The following ALPK1 variants were observed in gnomAD, a reference collection of about 807,000 sequenced individuals.
The protein encoded by ALPK1 is alpha kinase 1.
Under a neutral mutation model 120.6 loss-of-function variants are expected in ALPK1, and 110 were observed. The ratio of observed to expected loss-of-function variants is 0.91; its 90% confidence interval spans 0.78 to 1.07. The LOEUF (loss-of-function observed/expected upper bound fraction) is 1.07. Ranked by LOEUF, ALPK1 falls within the 50% of genes least tolerant of loss-of-function variation. The probability of loss-of-function intolerance (pLI) is 0.00; values close to 1 mark genes in which losing one functional copy is unlikely to be tolerated. For missense variants in ALPK1, 1,498 were observed against 1,483.9 expected, an observed-to-expected ratio of 1.01 and a Z score of -0.16; for synonymous variants, 582 against 560.3, an observed-to-expected ratio of 1.04 and a Z score of -0.55.
intron 2 of ALPK1, among the ~76,000 whole-genome samples, chr4:112,369,693 A>G (rs1243250163): frequency 6.6e-6 from 1 of 152,150 alleles, no homozygotes; most frequent in Non-Finnish European, 1.5e-5. Context: ...AAAAAGAAAA[A>G]GAAAAGAAAA....
At chr4:112,361,301 C>T (rs754865529) in intron 2 of ALPK1, among the ~76,000 whole-genome samples, 1 of 152,138 alleles carries the variant, frequency 6.6e-6, no homozygotes, top group Non-Finnish European at 1.5e-5. Flanking sequence ...AGGCTTGTAA[C>T]CTGTGACAAG....
In ALPK1 at chr4:112,356,740, C is replaced by T. The variant is rs924337668; in HGVS notation, c.-100-20938C>T. On this transcript the variant is annotated intron_variant, in intron 2 of 15. Transcript: ENST00000650871. ...ACTTGGTCAAGAGGGGAAGCAAGCA[C>T]GGAGTATGCCCTTATTACCTGTCCC... 2.4e-5 allele frequency: 20 copies of T among 834,952 alleles called. No individual in the cohort carries two copies. The African/African-American group carries it at 2.7e-4, about 11-fold the overall frequency. The allele number at this position is 834,952 out of a possible 1,614,324, so 51.7% of individuals were successfully genotyped here. A position where few individuals can be genotyped will look rare whatever the true frequency, so the allele number is the denominator to read the frequency against.
chr4:112,346,626 C>G (rs910358814), intron 2 of ALPK1, among the ~76,000 whole-genome samples: 2 of 152,190 alleles, frequency 1.3e-5, no homozygotes, highest in African/African-American at 4.8e-5. Context: ...GTCATTTGGC[C>G]TACTCTTTCC....
At chr4:112,343,479 C>A (rs1360924912) in intron 2 of ALPK1, 2 of 151,994 alleles carry the variant, frequency 1.3e-5, no homozygotes, top group Non-Finnish European at 2.9e-5. Context: ...TCGGAAGAGA[C>A]AAAAGTAAAT....
Position 112,430,513 on chromosome 4 carries a change from C to T in ALPK1, c.966C>T (p.Asn322=), listed in dbSNP as rs572715310. The T allele has an allele frequency of 6.2e-7, 1 of 1,613,998 alleles. No homozygotes were observed. Among genetic ancestry groups the T allele is most frequent in the East Asian group, 2.2e-5 (1 of 44,892 alleles). The part of the protein sequence containing the change: ...SSNDCPPELK[N]LHLCEAKEAF... ...ATGACTGTCCTCCAGAATTGAAAAA[C>T]TTACATCTGTGTGAAGCCAAAGAGG... The change falls in exon 11 of 16, where the codon AAC becomes AAT. Residue 322 remains asparagine (N), a synonymous_variant. Transcript: ENST00000650871.
intron 4 of ALPK1, among the ~76,000 whole-genome samples, chr4:112,390,021 TC>T: frequency 6.6e-6 from 1 of 152,264 alleles, no homozygotes; most frequent in South Asian, 2.1e-4. Flanking sequence ...GCCTCACACA[TC>T]TACCCCACTT....
chr4:112,358,913 C>A, intron 2 of ALPK1: 1 of 769,280 alleles, frequency 1.3e-6, no homozygotes, highest in Non-Finnish European at 2.4e-6. Flanking sequence ...TTGCTGAAAA[C>A]CCCAAGAAGC....
At chr4:112,351,855 CA>C (rs1730375108) in intron 2 of ALPK1, among the ~76,000 whole-genome samples, 1 of 152,172 alleles carries the variant, frequency 6.6e-6, no homozygotes, top group South Asian at 2.1e-4. Flanking sequence ...ACTAATAGTT[CA>C]AACTGCTTAT....
chr4:112,439,350 C>T lies in ALPK1; in HGVS notation c.3352-336C>T, dbSNP rs1248224452. Among the ~76,000 whole-genome samples, 3 of 152,102 alleles carry T rather than the reference C, an allele frequency of 2.0e-5. No homozygotes were observed. In the East Asian group the frequency reaches 5.8e-4, roughly 29 times the overall value. ...AAAGCTGATGTTTTAACCTAGAGTC[C>T]CTGAGCATGATCTAACTTCATGTCC... On this transcript the variant is annotated intron_variant, in intron 13 of 15. Transcript: ENST00000650871.
chr4:112,436,143 G>A (rs1734779977), intron 12 of ALPK1, among the ~76,000 whole-genome samples: 1 of 152,200 alleles, frequency 6.6e-6, no homozygotes, highest in Admixed American at 6.5e-5. Flanking sequence ...AATAGAAATA[G>A]AGAAATCAAG....
chr4:112,330,947 T>G (rs1729342454), intron 2 of ALPK1, among the ~76,000 whole-genome samples: 1 of 152,164 alleles, frequency 6.6e-6, no homozygotes, highest in South Asian at 2.1e-4. Flanking sequence ...AGAACACATG[T>G]CCATTCCAGG....
At position 112,411,995 on chromosome 4, in the gene ALPK1, A is replaced by G. The variant is rs763814228; in HGVS notation, c.445A>G (p.Ile149Val). ...PATPIAPQVVIRQARISVNSG... is the reference protein window; with the variant it reads ...PATPIAPQVVVRQARISVNSG... Reference sequence around the variant, plus strand: ...CACGCCAATTGCCCCGCAGGTGGTTATTCGCCAAGCCCGAATCTCCGTGAA... The same window carrying G: ...CACGCCAATTGCCCCGCAGGTGGTTGTTCGCCAAGCCCGAATCTCCGTGAA... The change falls in exon 5 of 16, where the codon ATT becomes GTT. Residue 149 changes from isoleucine (I) to valine (V), a missense_variant. Transcript: ENST00000650871. The G allele has an allele frequency of 6.2e-7, 1 of 1,614,062 alleles. No homozygotes were observed. Among genetic ancestry groups the G allele is most frequent in the Non-Finnish European group, 8.5e-7 (1 of 1,180,018 alleles).
At chr4:112,410,272 T>C (rs559970053) in intron 4 of ALPK1, among the ~76,000 whole-genome samples, 1 of 152,270 alleles carries the variant, frequency 6.6e-6, no homozygotes, top group African/African-American at 2.4e-5. Context: ...CAAGGGAGCA[T>C]GTAGGATCTG....
At chr4:112,373,325 A>G (rs988917477) in intron 2 of ALPK1, among the ~76,000 whole-genome samples, 3 of 152,202 alleles carry the variant, frequency 2.0e-5, no homozygotes, top group Admixed American at 6.5e-5. Context: ...TTGCAATAGC[A>G]GTATGAGGAT....
intron 1 of ALPK1, among the ~76,000 whole-genome samples, chr4:112,300,021 C>A (rs1443677723): frequency 1.3e-5 from 2 of 152,078 alleles, no homozygotes; most frequent in Non-Finnish European, 2.9e-5. Flanking sequence ...TTCTGGGAAT[C>A]CATCCTAAGG....
At chr4:112,432,842 G>A (rs1734634515) in intron 11 of ALPK1, among the ~76,000 whole-genome samples, 1 of 152,198 alleles carries the variant, frequency 6.6e-6, no homozygotes, top group South Asian at 2.1e-4. Context: ...AGGGAGACAG[G>A]AAACTTAGAG....
chr4:112,372,092 G>T (rs1006223647), intron 2 of ALPK1, among the ~76,000 whole-genome samples: 3 of 151,860 alleles, frequency 2.0e-5, no homozygotes, highest in Non-Finnish European at 4.4e-5. Context: ...GTGTGCATTC[G>T]TTTCCTATTT....
rs180741351 is a variant in ALPK1 at position 112,432,572 on chromosome 4, C to T, written c.3025C>T (p.Arg1009Ter). 9.9e-6 allele frequency: 16 copies of T among 1,611,768 alleles called. No homozygotes were observed. The highest frequency in any genetic ancestry group is 1.6e-4 in the Middle Eastern group (1 of 6,078). ...GGTTTTTAAGCCCAGTCAACTCCAC[C>T]GAGCACATAGTAAGTACAATCTTTT... is the stretch of plus-strand genomic sequence containing the variant. ...TGVFKPSQLH[R>*]AHSALLLKYS... The change falls in exon 11 of 16, where the codon CGA becomes TGA. Residue 1009 changes from arginine to a stop codon, truncating the protein, a stop_gained. Transcript: ENST00000650871. LOFTEE classifies it high-confidence loss of function.
chr4:112,382,378 C>T lies in ALPK1; in HGVS notation c.122-20C>T. On this transcript the variant is annotated intron_variant, in intron 3 of 15. Transcript: ENST00000650871. The stretch of plus-strand genomic sequence containing the variant: ...TTTTCTTTGACTGCAATTTCCTTAC[C>T]TGAACTCTGACCTTTTCAGCTTTAC... The T allele has an allele frequency of 4.4e-6, 7 of 1,596,274 alleles. No individual in the cohort carries two copies. The highest frequency in any genetic ancestry group is 6.0e-6 in the Non-Finnish European group (7 of 1,170,664).
Sources: gnomAD v4.1 joint callset for allele counts (sites outside exome capture counted in the v4.1 genomes callset) on GRCh38, gnomAD v4.1.1 for gene constraint, MANE v1.5 for transcripts, NCBI Gene and HGNC (gene_info 2026-07-23, HGNC 2026-07-21) for gene names.